ITGA8: variants seen among roughly 807,000 people sequenced by gnomAD.
ITGA8 encodes the protein integrin subunit alpha 8.
A neutral mutation model predicts 142.3 loss-of-function variants in ITGA8; 91 were observed. The observed-to-expected ratio is 0.64, with a 90% CI of 0.54 to 0.76. The LOEUF (loss-of-function observed/expected upper bound fraction) is 0.76. ITGA8 is among the 30% of genes least tolerant of loss of function. The probability of loss-of-function intolerance (pLI) is 0.00; values close to 1 mark genes in which losing one functional copy is unlikely to be tolerated. For missense variants in ITGA8, 1,406 were observed against 1,327.7 expected (o/e 1.06, Z -0.92); for synonymous variants, 505 against 485.2 (o/e 1.04, Z -0.54).
chr10:15,591,306 T>G (rs938860591), intron 22 of ITGA8, among the ~76,000 whole-genome samples: 1 of 151,372 alleles, frequency 6.6e-6, no homozygotes. Context: ...TTTTCAAACT[T>G]TTTAAGCTGC....
Position 15,575,578 on chromosome 10 carries a change from G to T in ITGA8, c.2389C>A (p.Gln797Lys). 6.2e-7 allele frequency: 1 copy of T among 1,613,748 alleles called. No individual in the cohort carries two copies. The highest frequency in any genetic ancestry group is 8.5e-7 in the Non-Finnish European group (1 of 1,179,720). The change falls in exon 24 of 30, where the codon CAG becomes AAG. Residue 797 changes from glutamine to lysine, a missense_variant. Physicochemically the swap from Gln to Lys is moderately conservative, Grantham distance 53. Coordinates refer to ENST00000378076, the MANE Select transcript of ITGA8 (RefSeq NM_003638.3). ...CAGTTATGAATGGGCAGAACAATCTGCGGAGGGTGTGACACTCTGAAACAT... is the reference window on the plus strand; with the variant it reads ...CAGTTATGAATGGGCAGAACAATCTTCGGAGGGTGTGACACTCTGAAACAT... ...VEIRGVSHPP[Q>K]IVLPIHNWEP... is the part of the protein sequence containing the mutation.
chr10:15,527,009 G>T (rs573380612), intron 28 of ITGA8, among the ~76,000 whole-genome samples: 61 of 152,252 alleles, frequency 4.0e-4, no homozygotes, highest in Non-Finnish European at 5.4e-4. Context: ...ATTTGCAATG[G>T]TAATTAATGT....
At chr10:15,632,887 C>G (rs1022370741) in intron 13 of ITGA8, among the ~76,000 whole-genome samples, 1 of 151,282 alleles carries the variant, frequency 6.6e-6, no homozygotes, top group African/African-American at 2.4e-5. Flanking sequence ...GGAGGCTGGA[C>G]AGTCACTGCT....
chr10:15,626,256 A>T (rs1833580609), intron 13 of ITGA8, among the ~76,000 whole-genome samples: 1 of 151,820 alleles, frequency 6.6e-6, no homozygotes, highest in South Asian at 2.1e-4. Flanking sequence ...TTTTTTGGAG[A>T]CAGTCTCACT....
At chr10:15,686,667 A>G (rs1479349680) in intron 3 of ITGA8, among the ~76,000 whole-genome samples, 1 of 152,224 alleles carries the variant, frequency 6.6e-6, no homozygotes. Flanking sequence ...ATAAAATTAT[A>G]CCATATAGGA....
chr10:15,613,480 C>T lies in ITGA8; in HGVS notation c.1553+180G>A, dbSNP rs78215725. On this transcript the variant is annotated intron_variant, in intron 15 of 29. Transcript: ENST00000378076. ...ATCATAGGTTCTCTTGAAAGACTAA[C>T]TCCTTGCTACTCAAACTTCGGCCAC... 2.6e-3 allele frequency: 1,618 copies of T among 613,588 alleles called. 20 individuals are homozygous for T. The African/African-American group carries it at 0.027, about 10-fold the overall frequency. The allele number at this position is 613,588 out of a possible 1,614,324, so 38.0% of individuals were successfully genotyped here.
chr10:15,642,997 T>C (rs1260413557), intron 13 of ITGA8, among the ~76,000 whole-genome samples: 1 of 152,208 alleles, frequency 6.6e-6, no homozygotes. Context: ...TAAGTATTTA[T>C]TGAAACCATC....
rs1390386649 is a variant in ITGA8, at chr10:15,537,438, T to G, written c.2881-6287A>C. 2.6e-5 allele frequency among the ~76,000 whole-genome samples: 4 copies of G among 152,210 alleles called. No homozygotes were observed. The East Asian group carries it at 7.7e-4, about 29-fold the overall frequency. ...TATCTCTGGAAGTGATGCTTTTCCC[T>G]AGGACTTCAAAATGTTGCTACAGAT... On this transcript the variant is annotated intron_variant, in intron 27 of 29. Coordinates refer to ENST00000378076, the MANE Select transcript of ITGA8 (RefSeq NM_003638.3).
chr10:15,688,674 G>A (rs996671528), intron 2 of ITGA8, among the ~76,000 whole-genome samples: 1 of 152,156 alleles, frequency 6.6e-6, no homozygotes, highest in Admixed American at 6.5e-5. Flanking sequence ...ATTTATCCCT[G>A]GAATGCAAGG....
intron 13 of ITGA8, among the ~76,000 whole-genome samples, chr10:15,623,573 C>G (rs1488395784): frequency 3.3e-5 from 5 of 152,118 alleles, no homozygotes; most frequent in Admixed American, 6.5e-5. Context: ...TTAATCCCAG[C>G]TACTCAGGAG....
In ITGA8 at chr10:15,549,201, G is replaced by GTTTTTTTTTTTTTTTT. The variant is rs67683436; in HGVS notation, c.2767-649_2767-634dup. Among the ~76,000 whole-genome samples, 208 of 107,156 alleles carry GTTTTTTTTTTTTTTTT rather than the reference G, an allele frequency of 1.9e-3. 15 individuals carry two copies. Among genetic ancestry groups the GTTTTTTTTTTTTTTTT allele is most frequent in the African/African-American group, 2.4e-3 (44 of 18,656 alleles). 70.3% of individuals were successfully genotyped at this position (107,156 alleles called of 152,430 possible). Reference sequence around the variant, plus strand: ...TTCTTTCTTTTTTCTTTTCTTTTCTGTTTTTTTTTTTTTTTTTTTTTTTTT... The same window carrying GTTTTTTTTTTTTTTTT: ...TTCTTTCTTTTTTCTTTTCTTTTCTGTTTTTTTTTTTTTTTTTTTTTTTTTTTTTTTTTTTTTTTTT... On this transcript the variant is annotated intron_variant, in intron 26 of 29. Coordinates refer to ENST00000378076, the MANE Select transcript of ITGA8 (RefSeq NM_003638.3).
At chr10:15,569,103 T>A (rs1165076663) in intron 25 of ITGA8, among the ~76,000 whole-genome samples, 4 of 152,102 alleles carry the variant, frequency 2.6e-5, no homozygotes, top group Non-Finnish European at 5.9e-5. Context: ...AGTGGGCAAC[T>A]TAAGAACACA....
intron 27 of ITGA8, among the ~76,000 whole-genome samples, chr10:15,546,625 A>T (rs1833674885): frequency 2.0e-5 from 3 of 152,054 alleles, no homozygotes; most frequent in Admixed American, 6.6e-5. Flanking sequence ...ACACAGCGCG[A>T]TCTGGTCTAA....
chr10:15,598,742 T>C (rs1022880214), intron 20 of ITGA8, among the ~76,000 whole-genome samples: 1 of 152,196 alleles, frequency 6.6e-6, no homozygotes, highest in African/African-American at 2.4e-5. Flanking sequence ...CACAGACACA[T>C]GGAAATATCT....
At chr10:15,607,607 A>T in intron 17 of ITGA8, 70 bp downstream of exon 17, 1 of 1,438,086 alleles carries the variant, frequency 7.0e-7, no homozygotes, top group Non-Finnish European at 9.8e-7. Flanking sequence ...CATGATGGTT[A>T]AATGGAGAAA....
intron 25 of ITGA8, among the ~76,000 whole-genome samples, chr10:15,569,556 T>C (rs1484654057): frequency 6.6e-6 from 1 of 152,216 alleles, no homozygotes; most frequent in African/African-American, 2.4e-5. Context: ...GCCCATCCTC[T>C]GTCTGCTTCT....
Position 15,527,715 on chromosome 10 carries a change from G to A in ITGA8, c.2982+3335C>T, listed in dbSNP as rs376447932. Among the ~76,000 whole-genome samples, 8 of 152,188 alleles carry A rather than the reference G, an allele frequency of 5.3e-5. No individual in the cohort carries two copies. The East Asian group carries it at 7.8e-4, about 15-fold the overall frequency. On this transcript the variant is annotated intron_variant, in intron 28 of 29. Transcript: ENST00000378076. The stretch of plus-strand genomic sequence containing the variant: ...CTCAAGAGATGGCTGAATTATGACC[G>A]TGTTGAAAAGGGAGTACAAACAAAC...
At chr10:15,709,409 C>T (rs571119290) in intron 2 of ITGA8, among the ~76,000 whole-genome samples, 3 of 152,170 alleles carry the variant, frequency 2.0e-5, no homozygotes, top group South Asian at 2.1e-4. Flanking sequence ...AATGGCGCAC[C>T]CCAGAAGAAA....
At chr10:15,679,519 T>A (rs1588718892) in intron 4 of ITGA8, among the ~76,000 whole-genome samples, 1 of 151,134 alleles carries the variant, frequency 6.6e-6, no homozygotes, top group Non-Finnish European at 1.5e-5. Context: ...GAGGCGGAGG[T>A]TGCAGTGAGC....
Sources: gnomAD v4.1 joint callset for allele counts (sites outside exome capture counted in the v4.1 genomes callset) on GRCh38, gnomAD v4.1.1 for gene constraint, MANE v1.5 for transcripts, NCBI Gene and HGNC (gene_info 2026-07-23, HGNC 2026-07-21) for gene names.